Variants in BMS1 observed in about 807,000 individuals in gnomAD.
The protein encoded by BMS1 is ribosome biogenesis protein BMS1 homolog.
BMS1 carries 53 observed loss-of-function variants against 138.7 expected under a neutral mutation model. The observed-to-expected ratio is 0.38, with a 90% CI of 0.31 to 0.48. The LOEUF is 0.48. BMS1 is among the 20% of genes least tolerant of loss of function. The pLI is 0.97. For synonymous variants in BMS1, 504 were observed against 539.9 expected (o/e 0.93, Z 0.92); for missense variants, 1,360 against 1,565.5 (o/e 0.87, Z 2.22).
intron 3 of BMS1, among the ~76,000 whole-genome samples, chr10:42,786,021 G>A (rs1192198136): frequency 2.0e-5 from 3 of 152,012 alleles, no homozygotes; most frequent in Non-Finnish European, 4.4e-5. Flanking sequence ...CTCTTAAGGT[G>A]ATGCTTTCCT....
Position 42,784,548 on chromosome 10 carries a change from C to G in BMS1, c.154C>G (p.Arg52Gly). Residue 52 changes from arginine to glycine, a missense_variant, in exon 2 of 23, where the codon CGG (arginine) becomes GGG (glycine). Coordinates refer to ENST00000374518, the MANE Select transcript of BMS1 (RefSeq NM_014753.4). The stretch of plus-strand genomic sequence containing the variant: ...AGCTTTTGCAGTTCAGTCTGCTGTG[C>G]GGATGGCTCGATCCTTTCACAGGTA... Reference protein sequence around the residue: ...PKAFAVQSAVRMARSFHRTQD... With the variant: ...PKAFAVQSAVGMARSFHRTQD... 1.2e-6 allele frequency: 2 copies of G among 1,613,032 alleles called. No individual in the cohort carries two copies. The highest frequency in any genetic ancestry group is 1.7e-6 in the Non-Finnish European group (2 of 1,179,542).
intron 21 of BMS1, among the ~76,000 whole-genome samples, chr10:42,828,934 G>A (rs964700392): frequency 4.6e-5 from 7 of 152,130 alleles, no homozygotes; most frequent in Non-Finnish European, 1.0e-4. Context: ...TTTGTAACAA[G>A]TAGATTTCTC....
chr10:42,819,346 C>T (rs1342022233), intron 15 of BMS1, among the ~76,000 whole-genome samples: 1 of 152,142 alleles, frequency 6.6e-6, no homozygotes, highest in Non-Finnish European at 1.5e-5. Flanking sequence ...TAACACTGGC[C>T]GCAGGTTGAT....
Position 42,820,278 on chromosome 10 carries a change from G to A in BMS1, c.2623G>A (p.Val875Ile). Reference protein sequence around the residue: ...EFEDQDDEARVQYEGFRPGMY... With the variant: ...EFEDQDDEARIQYEGFRPGMY... ...TGAAGATCAAGATGATGAAGCCAGAGTTCAGTATGAGGGTTTTCGACCTGG... is the reference window on the plus strand; with the variant it reads ...TGAAGATCAAGATGATGAAGCCAGAATTCAGTATGAGGGTTTTCGACCTGG... Residue 875 changes from valine (V) to isoleucine (I), a missense_variant, in exon 16 of 23, where the codon GTT becomes ATT. Physicochemically the swap from Val to Ile is conservative, Grantham distance 29. Coordinates refer to ENST00000374518, the MANE Select transcript of BMS1 (RefSeq NM_014753.4). The A allele has an allele frequency of 6.2e-7, 1 of 1,613,462 alleles. No individual in the cohort carries two copies. The highest frequency in any genetic ancestry group is 8.5e-7 in the Non-Finnish European group (1 of 1,179,860).
intron 21 of BMS1, 107 bp from the exon 22 acceptor site, chr10:42,830,143 GACTCTGGTGTT>G: frequency 8.5e-7 from 1 of 1,174,746 alleles, no homozygotes. Context: ...AGGGCCGGCA[GACTCTGGTGTT>G]ACTAATCTTG....
At chr10:42,799,995 C>T (rs186928006) in intron 12 of BMS1, among the ~76,000 whole-genome samples, 64 of 152,258 alleles carry the variant, frequency 4.2e-4, no homozygotes, top group African/African-American at 1.5e-3. Flanking sequence ...TTGCATCCCT[C>T]TGGAGTTTCC....
chr10:42,797,593 G>T lies in BMS1; in HGVS notation c.2089+70G>T. On this transcript the variant is annotated intron_variant, in intron 11 of 22. Coordinates refer to ENST00000374518, the MANE Select transcript of BMS1 (RefSeq NM_014753.4). ...ATTATTTAGATGAGGGAATTGGTTG[G>T]AGGATTCGGCTGGTATTGTTGACAT... The T allele has an allele frequency of 2.0e-6, 3 of 1,479,422 alleles. No individual in the cohort carries two copies. The South Asian group carries it at 3.4e-5, about 17-fold the overall frequency. 91.6% of individuals were successfully genotyped at this position (1,479,422 alleles called of 1,614,324 possible).
At chr10:42,785,096 A>G (rs1325093288) in intron 2 of BMS1, among the ~76,000 whole-genome samples, 1 of 152,226 alleles carries the variant, frequency 6.6e-6, no homozygotes, top group African/African-American at 2.4e-5. Flanking sequence ...TAAGTAGGAG[A>G]GCTAAATGTA....
intron 19 of BMS1, among the ~76,000 whole-genome samples, chr10:42,822,734 C>T (rs575478057): frequency 1.3e-5 from 2 of 152,182 alleles, no homozygotes; most frequent in Admixed American, 6.5e-5. Flanking sequence ...GTAATAATAC[C>T]ACCAGCGTTT....
chr10:42,817,269 A>G (rs1206938187), intron 14 of BMS1, 49 bp from the exon 15 acceptor site: 3 of 1,336,762 alleles, frequency 2.2e-6, no homozygotes, highest in Non-Finnish European at 2.0e-6. Context: ...ATGTTTAAAG[A>G]AAAGACCTTC....
Position 42,791,788 on chromosome 10 carries a change from C to T in BMS1, c.779+19C>T. 2 of 1,590,192 alleles carry T rather than the reference C, an allele frequency of 1.3e-6. No homozygotes were observed. Among genetic ancestry groups the T allele is most frequent in the Non-Finnish European group, 1.7e-6 (2 of 1,173,118 alleles). ...CAGACAGGTAAAATATGATTTTAAG[C>T]TTTTTCTTCCTGGGCCATATATTTC... On this transcript the variant is annotated intron_variant, in intron 6 of 22. Coordinates refer to ENST00000374518, the MANE Select transcript of BMS1 (RefSeq NM_014753.4).
In BMS1 at chr10:42,808,967, A is replaced by G. The variant is rs2132347101; in HGVS notation, c.2329+6749A>G. Among the ~76,000 whole-genome samples, 2 of 152,240 alleles carry G rather than the reference A, an allele frequency of 1.3e-5. 1 individual carries two copies. The highest frequency in any genetic ancestry group is 4.1e-4 in the South Asian group (2 of 4,828). Reference sequence around the variant, plus strand: ...CCTCTTACTTTATTCTTGTTTTTCAAGATTGGTTAAGCTATCCCAAGGCTT... The same window carrying G: ...CCTCTTACTTTATTCTTGTTTTTCAGGATTGGTTAAGCTATCCCAAGGCTT... On this transcript the variant is annotated intron_variant, in intron 13 of 22. Transcript: ENST00000374518.
rs776754297 is a variant in BMS1, at chr10:42,816,640, G to C, written c.2371G>C (p.Val791Leu). 3.1e-6 allele frequency: 5 copies of C among 1,611,432 alleles called. No homozygotes were observed. In the East Asian group the frequency reaches 6.7e-5, roughly 22 times the overall value. ...GDFEDLETGD[V>L]HKGKSGPNTQ... ...CTTTGAAGACTTGGAAACAGGGGAC[G>C]TGCACAAGGGAAAATCAGGCCCCAA... is the stretch of plus-strand genomic sequence containing the variant. The change falls in exon 14 of 23, where the codon GTG becomes CTG. Residue 791 changes from valine (V) to leucine (L), a missense_variant. By Grantham distance (32) the Val-to-Leu change is conservative. Around this residue, in one of 3 missense-constraint regions of BMS1, gnomAD observed 697 missense variants for 686.2 expected, o/e 1.02. Coordinates refer to ENST00000374518, the MANE Select transcript of BMS1 (RefSeq NM_014753.4).
At position 42,823,114 on chromosome 10, in the gene BMS1, G is replaced by T; in HGVS notation, c.3133-4G>T. On this transcript the variant is annotated splice_polypyrimidine_tract_variant and splice_region_variant and intron_variant, in intron 19 of 22. Transcript: ENST00000374518. Reference sequence around the variant, plus strand: ...TGTGTGTTTTTATCTTGCTATACCTGTAGGGAATGTTTAATTCTGCCTTGG... The same window carrying T: ...TGTGTGTTTTTATCTTGCTATACCTTTAGGGAATGTTTAATTCTGCCTTGG... The T allele has an allele frequency of 1.3e-6, 2 of 1,573,742 alleles. No homozygotes were observed. Among genetic ancestry groups the T allele is most frequent in the Non-Finnish European group, 1.7e-6 (2 of 1,163,506 alleles).
At chr10:42,828,856 G>T (rs1377047502) in intron 21 of BMS1, among the ~76,000 whole-genome samples, 1 of 152,056 alleles carries the variant, frequency 6.6e-6, no homozygotes, top group African/African-American at 2.4e-5. Flanking sequence ...ATGAAATTTT[G>T]AACCGTCTTA....
At position 42,827,848 on chromosome 10, in the gene BMS1, C is replaced by T. The variant is rs575601088; in HGVS notation, c.3457-2413C>T. On this transcript the variant is annotated intron_variant, in intron 21 of 22. Transcript: ENST00000374518. ...GAGCGCAAGGGGCTATTGATCGGCC[C>T]CTTGCTGGCATCACTCCCTCTTAAA... Among the ~76,000 whole-genome samples, 36 of 152,194 alleles carry T rather than the reference C, an allele frequency of 2.4e-4. No individual in the cohort carries two copies. The South Asian group carries it at 2.5e-3, about 11-fold the overall frequency.
chr10:42,785,234 A>G (rs932279383), intron 2 of BMS1, among the ~76,000 whole-genome samples: 3 of 152,154 alleles, frequency 2.0e-5, no homozygotes, highest in African/African-American at 4.8e-5. Flanking sequence ...TTCGCTCTCT[A>G]TAGTATTGAA....
At chr10:42,821,936 G>C in intron 18 of BMS1, 126 bp from the exon 19 acceptor site, 1 of 1,023,394 alleles carries the variant, frequency 9.8e-7, no homozygotes, top group Non-Finnish European at 1.5e-6. Context: ...AGTTCACATG[G>C]TCTCTCTTGT....
At chr10:42,821,542 CTTTTTTTTTTTTTTTT>C (rs34272995) in intron 18 of BMS1, among the ~76,000 whole-genome samples, 1 of 68,594 alleles carries the variant, frequency 1.5e-5, no homozygotes, top group Non-Finnish European at 2.6e-5. Context: ...CTCAAGGCGC[CTTTTTTTTTTTTTTTT>C]TTTTTTTTTT....
Sources: gnomAD v4.1 joint callset for allele counts (sites outside exome capture counted in the v4.1 genomes callset) on GRCh38, gnomAD v4.1.1 for gene constraint, gnomAD v4.1.1 regional missense constraint, MANE v1.5 for transcripts, NCBI Gene and HGNC (gene_info 2026-07-23, HGNC 2026-07-21) for gene names.